The following MKKS variants were observed in gnomAD, a reference collection of about 807,000 sequenced individuals.
MKKS encodes the protein molecular chaperone MKKS.
Under a neutral mutation model 33.2 loss-of-function variants are expected in MKKS, and 29 were observed. The observed-to-expected ratio is 0.87, with a 90% CI of 0.65 to 1.19. MKKS has a LOEUF of 1.19. Ranked by LOEUF, MKKS falls within the 50% of genes most tolerant of loss-of-function variation. The pLI, the probability that MKKS is intolerant of heterozygous loss-of-function variation, is 0.00. For missense variants in MKKS, 661 were observed against 662.3 expected (o/e 1.00, Z 0.02); for synonymous variants, 260 against 244.0 (o/e 1.07, Z -0.61).
chr20:10,408,554 AAAATC>A, intron 4 of MKKS, 69 bp downstream of exon 4: 1 of 1,530,882 alleles, frequency 6.5e-7, no homozygotes, highest in Non-Finnish European at 9.0e-7. Flanking sequence ...CTACGAAAAA[AAAATC>A]ATAATAACTA....
At chr20:10,406,576 CACA>C (rs2064845651) in intron 5 of MKKS, among the ~76,000 whole-genome samples, 1 of 152,126 alleles carries the variant, frequency 6.6e-6, no homozygotes, top group Non-Finnish European at 1.5e-5. Flanking sequence ...ATATTGTTTG[CACA>C]ACAATATTGT....
Position 10,412,781 on chromosome 20 carries a change from C to T in MKKS, c.734G>A (p.Cys245Tyr), listed in dbSNP as rs771767882. The change falls in exon 3 of 6, where the codon TGT (cysteine) becomes TAT (tyrosine). Residue 245 changes from cysteine to tyrosine, a missense_variant. Transcript: ENST00000347364. ...KSTALKVALFCTTLSGDTSDT... is the reference protein window; with the variant it reads ...KSTALKVALFYTTLSGDTSDT... ...AGAAGTGTCTCCGGATAAAGTTGTA[C>T]AAAAGAGTGCCACCTTGAGGGCAGT... The T allele has an allele frequency of 2.5e-6, 4 of 1,614,150 alleles. No homozygotes were observed. Among genetic ancestry groups the T allele is most frequent in the Admixed American group, 3.3e-5 (2 of 60,010 alleles).
At chr20:10,405,853 G>A (rs1040244693) in intron 5 of MKKS, among the ~76,000 whole-genome samples, 166 bp from the exon 6 acceptor site, 8 of 152,042 alleles carry the variant, frequency 5.3e-5, no homozygotes, top group Admixed American at 1.3e-4. Flanking sequence ...TCAGCCGGCC[G>A]GGTTGCAAAC....
At chr20:10,410,353 G>A (rs1366758787) in intron 3 of MKKS, among the ~76,000 whole-genome samples, 8 of 152,022 alleles carry the variant, frequency 5.3e-5, no homozygotes, top group African/African-American at 1.2e-4. Flanking sequence ...GCTCCAGGCC[G>A]GGCGTGGTGG....
At chr20:10,405,779 CTAAAG>C (rs1350571513) in intron 5 of MKKS, 92 bp from the exon 6 acceptor site, 132 of 1,192,142 alleles carry the variant, frequency 1.1e-4, no homozygotes, top group Non-Finnish European at 1.6e-5. Context: ...AATCTTATTC[CTAAAG>C]TAATTACTTA....
chr20:10,419,518 C>A lies in MKKS; in HGVS notation c.-418+1010G>T, dbSNP rs1426278136. Among the ~76,000 whole-genome samples, 3 of 152,206 alleles carry A rather than the reference C, an allele frequency of 2.0e-5. No individual in the cohort carries two copies. In the East Asian group the frequency reaches 5.8e-4, roughly 29 times the overall value. Reference sequence around the variant, plus strand: ...ATCTATGAGGGATATGTTCCAAGACCACCCAGTGGATGCCTGAAACTACAT... The same window carrying A: ...ATCTATGAGGGATATGTTCCAAGACAACCCAGTGGATGCCTGAAACTACAT... On this transcript the variant is annotated intron_variant, in intron 2 of 5. Transcript: ENST00000347364.
Position 10,405,364 on chromosome 20 carries a change from G to T in MKKS, c.1596C>A (p.Gly532=). ...AGTCCAAGGTCAGGTTGCTGGCTGAGCCCACAGCTTCATGTGGAAGGCAGC... is the reference window on the plus strand; with the variant it reads ...AGTCCAAGGTCAGGTTGCTGGCTGATCCCACAGCTTCATGTGGAAGGCAGC... The part of the protein sequence containing the change: ...PQSCLPHEAV[G]SASNLTLDCL... Residue 532 remains glycine, a synonymous_variant, in exon 6 of 6, where the codon GGC becomes GGA. Transcript: ENST00000347364. 1 of 1,614,170 alleles carries T rather than the reference G, an allele frequency of 6.2e-7. No individual in the cohort carries two copies. The highest frequency in any genetic ancestry group is 8.5e-7 in the Non-Finnish European group (1 of 1,180,022).
At position 10,413,522 on chromosome 20, in the gene MKKS, C is replaced by T. The variant is rs1193658726; in HGVS notation, c.-8G>A. The T allele has an allele frequency of 3.1e-6, 5 of 1,614,002 alleles. No homozygotes were observed. The highest frequency in any genetic ancestry group is 4.2e-6 in the Non-Finnish European group (5 of 1,180,010). On this transcript the variant is annotated 5_prime_UTR_variant, in exon 3 of 6. Transcript: ENST00000347364. ...AGCTTCCAAACGAGACATCTTACTT[C>T]AGGTGGTAACTAGTGAAGACCGTTT...
chr20:10,412,301 T>C (rs2064894466), intron 3 of MKKS, among the ~76,000 whole-genome samples: 1 of 152,166 alleles, frequency 6.6e-6, no homozygotes, highest in African/African-American at 2.4e-5. Flanking sequence ...GGTTAGATGA[T>C]ATAGTACATT....
rs2064835425 is a variant in MKKS, at chr20:10,405,439, T to C, written c.1521A>G (p.Glu507=). The part of the protein sequence containing the change: ...CGCGLYNSQE[E]LNWSFLRSTR... ...TGCTTCTTAAGAAAGACCAGTTGAG[T>C]TCTTCCTGGCTATTGTATAATCCAC... Residue 507 remains glutamate (E), a synonymous_variant, in exon 6 of 6, where the codon GAA becomes GAG. Coordinates refer to ENST00000347364, the MANE Select transcript of MKKS (RefSeq NM_170784.3). 6.2e-7 allele frequency: 1 copy of C among 1,614,176 alleles called. No individual in the cohort carries two copies. The highest frequency in any genetic ancestry group is 2.2e-5 in the East Asian group (1 of 44,890).
At chr20:10,423,546 T>A (rs940011840) in intron 1 of MKKS, among the ~76,000 whole-genome samples, 7 of 152,200 alleles carry the variant, frequency 4.6e-5, no homozygotes, top group African/African-American at 1.4e-4. Context: ...CACTAATGTT[T>A]GGGGAAGTGT....
In MKKS at chr20:10,405,194, T is replaced by C; in HGVS notation, c.*53A>G. ...CAAATACACTCACAATTTTTCTCAA[T>C]TGCCAACAGACTAGTTTATTTGTTT... On this transcript the variant is annotated 3_prime_UTR_variant, in exon 6 of 6. Coordinates refer to ENST00000347364, the MANE Select transcript of MKKS (RefSeq NM_170784.3). 8 of 1,435,986 alleles carry C rather than the reference T, an allele frequency of 5.6e-6. No homozygotes were observed. Among genetic ancestry groups the C allele is most frequent in the Admixed American group, 2.1e-5 (1 of 47,230 alleles). The allele number at this position is 1,435,986 out of a possible 1,614,324, so 89.0% of individuals were successfully genotyped here.
chr20:10,412,973 G>C lies in MKKS; in HGVS notation c.542C>G (p.Ala181Gly), dbSNP rs2064904163. The change falls in exon 3 of 6, where the codon GCC (alanine) becomes GGC (glycine). Residue 181 changes from alanine (A) to glycine (G), a missense_variant. By Grantham distance (60) the Ala-to-Gly change is moderately conservative (BLOSUM62 0). Transcript: ENST00000347364. The stretch of plus-strand genomic sequence containing the variant: ...ATTTTCTGGAATTGTAAGCAAAAAG[G>C]CTCTCAGGATCAAAGCACTGACATG... ...TEHVSALILR[A>G]FLLTIPENAE... The C allele has an allele frequency of 6.2e-7, 1 of 1,613,838 alleles. No homozygotes were observed. The highest frequency in any genetic ancestry group is 8.5e-7 in the Non-Finnish European group (1 of 1,180,026).
chr20:10,417,106 T>A (rs1162117593), intron 2 of MKKS, among the ~76,000 whole-genome samples: 1 of 151,844 alleles, frequency 6.6e-6, no homozygotes. Context: ...AAAAAACTAG[T>A]CAGGTGTGGT....
chr20:10,410,558 G>A (rs1219467505), intron 3 of MKKS, among the ~76,000 whole-genome samples: 4 of 152,152 alleles, frequency 2.6e-5, no homozygotes, highest in Admixed American at 2.0e-4. Flanking sequence ...AACCCAGGAG[G>A]CAGAGGTTGC....
rs149095209 is a variant in MKKS, at chr20:10,405,321, T to A, written c.1639A>T (p.Ser547Cys). ...GTCTCTACAGCCACCTGTAGGCCAC[T>A]AAGCTTTGCAGTCAAACAGTCCAAG... is the stretch of plus-strand genomic sequence containing the variant. ...LTLDCLTAKL[S>C]GLQVAVETAN... Residue 547 changes from serine to cysteine, a missense_variant, in exon 6 of 6, where the codon AGT becomes TGT. Transcript: ENST00000347364. 1.2e-6 allele frequency: 2 copies of A among 1,613,994 alleles called. No individual in the cohort carries two copies.
chr20:10,431,363 C>A (rs1423388458), intron 1 of MKKS, among the ~76,000 whole-genome samples: 1 of 152,084 alleles, frequency 6.6e-6, no homozygotes, highest in Non-Finnish European at 1.5e-5. Flanking sequence ...TTAATTCTAT[C>A]CAAATGCTCA....
At chr20:10,415,197 C>T (rs189015964) in intron 2 of MKKS, among the ~76,000 whole-genome samples, 29 of 152,042 alleles carry the variant, frequency 1.9e-4, no homozygotes, top group African/African-American at 5.3e-4. Flanking sequence ...CTGTTGAGGC[C>T]GGGTGTTTTA....
In MKKS at chr20:10,412,676, C is replaced by A; in HGVS notation, c.839G>T (p.Gly280Val). 1 of 1,614,102 alleles carries A rather than the reference C, an allele frequency of 6.2e-7. No individual in the cohort carries two copies. The highest frequency in any genetic ancestry group is 8.5e-7 in the Non-Finnish European group (1 of 1,180,012). The change falls in exon 3 of 6, where the codon GGA becomes GTA. Residue 280 changes from glycine (G) to valine (V), a missense_variant. Physicochemically the swap from Gly to Val is moderately radical, Grantham distance 109. Coordinates refer to ENST00000347364, the MANE Select transcript of MKKS (RefSeq NM_170784.3). ...TACGTGGTCACTGATTAGCTGCCTT[C>A]CTAGGTTAAGCAGCTGGTCCAAGAC... ...NAVLDQLLNL[G>V]RQLISDHVDL...
Sources: gnomAD v4.1 joint callset for allele counts (sites outside exome capture counted in the v4.1 genomes callset) on GRCh38, gnomAD v4.1.1 for gene constraint, MANE v1.5 for transcripts, NCBI Gene and HGNC (gene_info 2026-07-23, HGNC 2026-07-21) for gene names.